MARCHF6: variants seen among roughly 807,000 people sequenced by gnomAD.
MARCHF6 encodes the protein membrane associated ring-CH-type finger 6, also known as E3 ubiquitin-protein ligase MARCHF6.
MARCHF6 carries 31 observed loss-of-function variants against 133.7 expected under a neutral mutation model. That is an observed-to-expected ratio of 0.23 (90% CI 0.17 to 0.31). MARCHF6 has a LOEUF of 0.31. Ranked by LOEUF, MARCHF6 falls within the 10% of genes least tolerant of loss-of-function variation. MARCHF6 has a pLI of 1.00. For synonymous variants in MARCHF6, 395 were observed against 402.5 expected (o/e 0.98, Z 0.22); for missense variants, 723 against 1,121.6 (o/e 0.64, Z 5.08).
At position 10,417,411 on chromosome 5, in the gene MARCHF6, G is replaced by A. The variant is rs1255211060; in HGVS notation, c.2283+7G>A. 3.7e-6 allele frequency: 6 copies of A among 1,613,344 alleles called. No individual in the cohort carries two copies. Among genetic ancestry groups the A allele is most frequent in the East Asian group, 2.2e-5 (1 of 44,884 alleles). On this transcript the variant is annotated splice_region_variant and intron_variant, in intron 22 of 25. Coordinates refer to ENST00000274140, the MANE Select transcript of MARCHF6 (RefSeq NM_005885.4). ...TCTTTTTTATCCATGGCAGGTAAATGTATGTCTTTTGCTCATGTTATTTCA... is the reference window on the plus strand; with the variant it reads ...TCTTTTTTATCCATGGCAGGTAAATATATGTCTTTTGCTCATGTTATTTCA...
chr5:10,410,754 A>G (rs557308184), intron 18 of MARCHF6, among the ~76,000 whole-genome samples: 1 of 152,280 alleles, frequency 6.6e-6, no homozygotes, highest in Admixed American at 6.5e-5. Context: ...GGCATCTTGT[A>G]GGTATCTTAA....
chr5:10,436,816 G>A lies in MARCHF6; in HGVS notation c.*3132G>A, dbSNP rs1241639082. 1 of 152,118 alleles carries A rather than the reference G, an allele frequency of 6.6e-6. No individual in the cohort carries two copies. The highest frequency in any genetic ancestry group is 2.4e-5 in the African/African-American group (1 of 41,406). 9.4% of individuals were successfully genotyped at this position (152,118 alleles called of 1,614,324 possible). On this transcript the variant is annotated 3_prime_UTR_variant, in exon 26 of 26. Coordinates refer to ENST00000274140, the MANE Select transcript of MARCHF6 (RefSeq NM_005885.4). ...TTAGGTGACTTTTTTCCCCCTCTTA[G>A]TACTCTGGAGAAACAATGAAGATGG...
At chr5:10,392,115 C>T (rs1464443225) in intron 7 of MARCHF6, among the ~76,000 whole-genome samples, 3 of 152,022 alleles carry the variant, frequency 2.0e-5, no homozygotes, top group Non-Finnish European at 4.4e-5. Context: ...CTCGCCACCA[C>T]GCCCGGCTAA....
At position 10,425,069 on chromosome 5, in the gene MARCHF6, TC is replaced by T. The variant is rs1740013849; in HGVS notation, c.2373+1246del. Among the ~76,000 whole-genome samples the T allele has an allele frequency of 5.3e-5, 8 of 152,308 alleles. No individual in the cohort carries two copies. In the South Asian group the frequency reaches 1.7e-3, roughly 32 times the overall value. ...TGCCACATAAGTAAGACATAACAGT[TC>T]TGCAGCAGTAAAGTACACCTCTTTT... is the stretch of plus-strand genomic sequence containing the variant. On this transcript the variant is annotated intron_variant, in intron 23 of 25. Transcript: ENST00000274140.
intron 25 of MARCHF6, among the ~76,000 whole-genome samples, chr5:10,432,927 G>C (rs1740438648): frequency 6.9e-6 from 1 of 144,272 alleles, no homozygotes; most frequent in Non-Finnish European, 1.5e-5. Flanking sequence ...TTTTGAGACG[G>C]AGTCACACTC....
intron 1 of MARCHF6, among the ~76,000 whole-genome samples, chr5:10,366,815 G>A (rs1454878723): frequency 6.6e-6 from 1 of 152,158 alleles, no homozygotes; most frequent in Non-Finnish European, 1.5e-5. Flanking sequence ...CTTGGGGCGT[G>A]ACTGCCTTCA....
chr5:10,398,034 C>G (rs1738290954), intron 10 of MARCHF6, among the ~76,000 whole-genome samples: 1 of 152,134 alleles, frequency 6.6e-6, no homozygotes, highest in African/African-American at 2.4e-5. Context: ...TTCTGTATCT[C>G]TTAGGGGTGA....
intron 1 of MARCHF6, among the ~76,000 whole-genome samples, chr5:10,375,907 G>T (rs763986267): frequency 6.6e-6 from 1 of 152,172 alleles, no homozygotes; most frequent in African/African-American, 2.4e-5. Context: ...TAGCTGCTCT[G>T]GTGGGGCCTT....
chr5:10,419,811 A>G (rs1039670224), intron 22 of MARCHF6, among the ~76,000 whole-genome samples: 1 of 152,236 alleles, frequency 6.6e-6, no homozygotes, highest in Non-Finnish European at 1.5e-5. Flanking sequence ...GCAACTTTGC[A>G]GCTTAAAACA....
chr5:10,361,017 T>C (rs1190492354), intron 1 of MARCHF6, among the ~76,000 whole-genome samples: 2 of 152,192 alleles, frequency 1.3e-5, no homozygotes, highest in Non-Finnish European at 2.9e-5. Flanking sequence ...AAAGAGTTCT[T>C]GAAAAGTGAA....
At position 10,435,693 on chromosome 5, in the gene MARCHF6, A is replaced by T. The variant is rs1278758298; in HGVS notation, c.*2009A>T. Reference sequence around the variant, plus strand: ...TATATATATATATATATATATATATATATATTTTTTTTTTTTTTTTTTTTT... The same window carrying T: ...TATATATATATATATATATATATATTTATATTTTTTTTTTTTTTTTTTTTT... On this transcript the variant is annotated 3_prime_UTR_variant, in exon 26 of 26. Coordinates refer to ENST00000274140, the MANE Select transcript of MARCHF6 (RefSeq NM_005885.4). 0.046 allele frequency: 373 copies of T among 8,032 alleles called. 63 individuals carry two copies. The highest frequency in any genetic ancestry group is 0.19 in the African/African-American group (315 of 1,656). 0.5% of individuals were successfully genotyped at this position (8,032 alleles called of 1,614,324 possible).
At chr5:10,404,565 T>G (rs1304475551) in intron 15 of MARCHF6, among the ~76,000 whole-genome samples, 1 of 152,178 alleles carries the variant, frequency 6.6e-6, no homozygotes, top group Non-Finnish European at 1.5e-5. Flanking sequence ...CTCCTCGATT[T>G]TATAGCCTGA....
chr5:10,415,446 T>C, intron 20 of MARCHF6, 42 bp from the exon 21 acceptor site: 2 of 1,550,310 alleles, frequency 1.3e-6, no homozygotes, highest in South Asian at 2.3e-5. Context: ...CAATTCTCTT[T>C]ACCTAGCCAC....
intron 6 of MARCHF6, among the ~76,000 whole-genome samples, chr5:10,390,760 T>TA: frequency 6.6e-6 from 1 of 152,334 alleles, no homozygotes; most frequent in South Asian, 2.1e-4. Context: ...TACACAGTCT[T>TA]ACCCACTGAG....
intron 21 of MARCHF6, 63 bp from the exon 22 acceptor site, chr5:10,417,207 A>G (rs1451199946): frequency 6.4e-6 from 10 of 1,570,110 alleles, no homozygotes; most frequent in Admixed American, 2.0e-5. Flanking sequence ...AAACCTCAAA[A>G]TGGAAATAGA....
intron 1 of MARCHF6, among the ~76,000 whole-genome samples, chr5:10,365,137 C>T (rs930811711): frequency 6.6e-6 from 1 of 152,008 alleles, no homozygotes; most frequent in African/African-American, 2.4e-5. Flanking sequence ...AAGTGCTTCT[C>T]ATTGACAGAC....
chr5:10,426,499 C>T lies in MARCHF6; in HGVS notation c.2483C>T (p.Ala828Val), dbSNP rs1740094342. 6.2e-7 allele frequency: 1 copy of T among 1,613,980 alleles called. No homozygotes were observed. Among genetic ancestry groups the T allele is most frequent in the Non-Finnish European group, 8.5e-7 (1 of 1,180,000 alleles). Residue 828 changes from alanine to valine, a missense_variant, in exon 24 of 26, where the codon GCT (alanine) becomes GTT (valine). This residue lies in a region of MARCHF6 where 492 missense variants were observed against 699.5 expected (regional missense o/e 0.70). Transcript: ENST00000274140. Reference protein sequence around the residue: ...LLSLCVPYVIASGVVPLLGVT... With the variant: ...LLSLCVPYVIVSGVVPLLGVT... ...TCCCTGTGTGTACCTTATGTCATAG[C>T]TTCTGGTGTTGTTCCTTTACTAGGT...
chr5:10,357,213 CT>C (rs35082316), intron 1 of MARCHF6, among the ~76,000 whole-genome samples: 5,304 of 144,684 alleles, frequency 0.037, 101 homozygotes, highest in East Asian at 0.083. Context: ...CAAGGATATA[CT>C]TTTTTTTTTT....
chr5:10,415,818 C>A (rs762348430), intron 21 of MARCHF6, 149 bp downstream of exon 21: 20 of 686,390 alleles, frequency 2.9e-5, no homozygotes, highest in Non-Finnish European at 4.7e-5. Context: ...AATACTCTTT[C>A]AAGATAGTGG....
Sources: allele counts gnomAD v4.1 joint callset (sites outside exome capture counted in the v4.1 genomes callset), GRCh38; gene constraint gnomAD v4.1.1; regional missense constraint gnomAD v4.1.1; transcripts MANE v1.5; gene names NCBI Gene and HGNC (gene_info 2026-07-23, HGNC 2026-07-21).